OR1J2: variants seen among roughly 807,000 people sequenced by gnomAD.
The protein encoded by OR1J2 is olfactory receptor 1J2.
For missense variants in OR1J2, 304 were observed against 246.1 expected (o/e 1.24, Z -1.57); for synonymous variants, 142 against 99.7 (o/e 1.42, Z -2.52).
chr9:122,574,791 T>C, the OR1J2 span, among the ~76,000 whole-genome samples: 1 of 152,116 alleles, frequency 6.6e-6, no homozygotes, highest in African/African-American at 2.4e-5. Context: ...AAGCTCCTAG[T>C]TTCTCGCCAT....
chr9:122,483,084 A>T, the OR1J2 span, among the ~76,000 whole-genome samples: 4 of 152,240 alleles, frequency 2.6e-5, no homozygotes, highest in Non-Finnish European at 5.9e-5. Flanking sequence ...GTATATATGT[A>T]TCAAAACATC....
the OR1J2 span, among the ~76,000 whole-genome samples, chr9:122,535,130 A>G: frequency 6.6e-6 from 1 of 151,758 alleles, no homozygotes; most frequent in Non-Finnish European, 1.5e-5. Flanking sequence ...CATGGAGAGA[A>G]GGGATGGGGG....
the OR1J2 span, chr9:122,567,771 C>T: frequency 1.8e-5 from 29 of 1,613,772 alleles, no homozygotes; most frequent in Middle Eastern, 3.3e-4. Context: ...GAAGGCTTTG[C>T]GTTTCCCAGA....
At chr9:122,545,063 CTAA>C in the OR1J2 span, among the ~76,000 whole-genome samples, 571 of 152,122 alleles carry the variant, frequency 3.8e-3, 4 homozygotes, top group African/African-American at 0.013. Flanking sequence ...AAAATATTTT[CTAA>C]TGTCCCTTAA....
the OR1J2 span, chr9:122,475,626 T>C: frequency 6.6e-6 from 1 of 152,174 alleles, no homozygotes; most frequent in African/African-American, 2.4e-5. Flanking sequence ...TGATTATTAT[T>C]ATTATTTCCT....
At chr9:122,489,889 A>G in the OR1J2 span, among the ~76,000 whole-genome samples, 3 of 152,176 alleles carry the variant, frequency 2.0e-5, no homozygotes, top group African/African-American at 7.2e-5. Context: ...AACGCAATTA[A>G]TAAAAACCAC....
chr9:122,552,845 T>C, the OR1J2 span, among the ~76,000 whole-genome samples: 1 of 151,014 alleles, frequency 6.6e-6, no homozygotes, highest in Non-Finnish European at 1.5e-5. Flanking sequence ...TTCTTTCCAA[T>C]TGACAATAAC....
chr9:122,528,222 C>T, the OR1J2 span, among the ~76,000 whole-genome samples: 2 of 152,172 alleles, frequency 1.3e-5, no homozygotes, highest in African/African-American at 4.8e-5. Flanking sequence ...CTAGATAGAA[C>T]CTGAAAGATC....
At chr9:122,544,415 CTTTTTTT>C in the OR1J2 span, among the ~76,000 whole-genome samples, 2 of 85,356 alleles carry the variant, frequency 2.3e-5, no homozygotes, top group Non-Finnish European at 4.4e-5. Context: ...CCTCTTTTTT[CTTTTTTT>C]TTTTTTTTTT....
At chr9:122,503,288 G>T in the OR1J2 span, among the ~76,000 whole-genome samples, 1 of 152,228 alleles carries the variant, frequency 6.6e-6, no homozygotes, top group East Asian at 1.9e-4. Flanking sequence ...ACTCAGGTCT[G>T]AAAGGTGTTG....
the OR1J2 span, among the ~76,000 whole-genome samples, chr9:122,524,579 C>T: frequency 6.6e-6 from 1 of 152,178 alleles, no homozygotes; most frequent in East Asian, 1.9e-4. Flanking sequence ...CCAGTCACAT[C>T]TTCTAGTTTG....
the OR1J2 span, among the ~76,000 whole-genome samples, chr9:122,559,145 T>C: frequency 6.6e-6 from 1 of 152,128 alleles, no homozygotes. Flanking sequence ...ACACCAGAGC[T>C]TGTTAATCCT....
At chr9:122,551,220 G>T in the OR1J2 span, among the ~76,000 whole-genome samples, 1 of 152,118 alleles carries the variant, frequency 6.6e-6, no homozygotes, top group Non-Finnish European at 1.5e-5. Context: ...AACCAACAAT[G>T]ATACTAGAAC....
the OR1J2 span, among the ~76,000 whole-genome samples, chr9:122,565,141 G>C: frequency 6.6e-6 from 1 of 152,216 alleles, no homozygotes; most frequent in Non-Finnish European, 1.5e-5. Flanking sequence ...CCAAGAGAGA[G>C]GCACTATGCC....
At chr9:122,569,455 G>A in the OR1J2 span, among the ~76,000 whole-genome samples, 1 of 77,426 alleles carries the variant, frequency 1.3e-5, no homozygotes, top group Non-Finnish European at 2.5e-5. Flanking sequence ...ACTCTGCAAT[G>A]AGAATTTTTG....
the OR1J2 span, among the ~76,000 whole-genome samples, chr9:122,536,519 G>A: frequency 6.6e-6 from 1 of 152,212 alleles, no homozygotes; most frequent in Non-Finnish European, 1.5e-5. Flanking sequence ...CACCAGCGAT[G>A]ACCAACACTG....
At chr9:122,477,828 G>T in the OR1J2 span, 1 of 1,614,024 alleles carries the variant, frequency 6.2e-7, no homozygotes, top group South Asian at 1.1e-5. Flanking sequence ...TCAGGTACAT[G>T]CCCAGGAACA....
chr9:122,480,374 A>G, the OR1J2 span, among the ~76,000 whole-genome samples: 2 of 152,292 alleles, frequency 1.3e-5, no homozygotes, highest in East Asian at 3.9e-4. Flanking sequence ...AGGAAAAATA[A>G]TACTATATCC....
the OR1J2 span, among the ~76,000 whole-genome samples, chr9:122,578,898 A>C: frequency 1.9e-3 from 282 of 152,210 alleles, 2 homozygotes; most frequent in East Asian, 4.3e-3. Flanking sequence ...ACCACTAACG[A>C]ACTTAAACAT....
Sources: allele counts gnomAD v4.1 joint callset (sites outside exome capture counted in the v4.1 genomes callset), GRCh38; gene constraint gnomAD v4.1.1; transcripts MANE v1.5; gene names NCBI Gene and HGNC (gene_info 2026-07-23, HGNC 2026-07-21).